Variants in PRAG1 observed in about 807,000 individuals in gnomAD.
The protein encoded by PRAG1 is PEAK1 related, kinase-activating pseudokinase 1.
In PRAG1, 110 loss-of-function variants were observed where a neutral mutation model predicts 95.6. The ratio of observed to expected loss-of-function variants is 1.15; its 90% CI spans 0.99 to 1.35. The LOEUF is 1.35. PRAG1 is among the 40% of genes most tolerant of loss of function. The pLI, the probability that PRAG1 is intolerant of heterozygous loss-of-function variation, is 0.00. For synonymous variants in PRAG1, 1,052 were observed against 819.4 expected, an observed-to-expected ratio of 1.28 and a Z score of -4.85; for missense variants, 2,554 against 1,864.7, an observed-to-expected ratio of 1.37 and a Z score of -6.81.
chr8:8,371,245 A>C (rs1800189744), intron 3 of PRAG1, among the ~76,000 whole-genome samples: 1 of 151,870 alleles, frequency 6.6e-6, no homozygotes, highest in South Asian at 2.1e-4. Context: ...GTTAAAATTG[A>C]AATTCAATTG....
chr8:8,366,256 T>A (rs529048164), intron 3 of PRAG1, among the ~76,000 whole-genome samples: 24 of 151,902 alleles, frequency 1.6e-4, no homozygotes, highest in Admixed American at 3.9e-4. Context: ...ATGGCCGTCA[T>A]CTGCCAAACA....
chr8:8,348,147 G>C (rs947669531), intron 3 of PRAG1, among the ~76,000 whole-genome samples: 1 of 152,186 alleles, frequency 6.6e-6, no homozygotes, highest in Admixed American at 6.5e-5. Flanking sequence ...GAACTCCTGA[G>C]CTGAAGTAAT....
intron 3 of PRAG1, chr8:8,374,697 AAG>A: frequency 4.1e-6 from 4 of 985,414 alleles, no homozygotes; most frequent in Non-Finnish European, 4.8e-6. Context: ...GCGGCTGCCA[AAG>A]AGTCTGCAAT....
intron 2 of PRAG1, among the ~76,000 whole-genome samples, chr8:8,378,460 G>C (rs921343912): frequency 5.9e-5 from 9 of 152,230 alleles, no homozygotes; most frequent in African/African-American, 1.4e-4. Context: ...GGAAAATGGA[G>C]CTTGGGGTTT....
chr8:8,333,451 A>G lies in PRAG1; in HGVS notation c.2321-4990T>C, dbSNP rs540921890. ...ATGGGATCTTAAAAAGACCAAGGGA[A>G]GGTGCACTAGTTTGGTGTCATTATA... On this transcript the variant is annotated intron_variant, in intron 4 of 5. Coordinates refer to ENST00000615670, the MANE Select transcript of PRAG1 (RefSeq NM_001080826.3). 8.1e-4 allele frequency among the ~76,000 whole-genome samples: 124 copies of G among 152,280 alleles called. 2 individuals carry two copies. Among genetic ancestry groups the G allele is most frequent in the African/African-American group, 2.8e-3 (117 of 41,570 alleles).
chr8:8,372,496 C>A (rs754204401), intron 3 of PRAG1, among the ~76,000 whole-genome samples: 1 of 152,154 alleles, frequency 6.6e-6, no homozygotes, highest in Non-Finnish European at 1.5e-5. Context: ...GTAAGTGTGA[C>A]TTTGTGGGTA....
At chr8:8,383,458 G>A (rs1359996657) in intron 1 of PRAG1, among the ~76,000 whole-genome samples, 1 of 152,084 alleles carries the variant, frequency 6.6e-6, no homozygotes, top group Non-Finnish European at 1.5e-5. Context: ...ATGCATGCCT[G>A]TGGTCCCAGC....
Position 8,377,779 on chromosome 8 carries a change from T to C in PRAG1, c.630A>G (p.Lys210=), listed in dbSNP as rs778884698. ...ATGTGGTCCCAGCAAAGGCAGCCAG[T>C]TTCTGGCGGAAGCTCTCCTGGGTGG... ...RPSTQESFRQ[K]LAAFAGTTSG... Residue 210 remains lysine (K), a synonymous_variant, in exon 3 of 6, where the codon AAA becomes AAG. Coordinates refer to ENST00000615670, the MANE Select transcript of PRAG1 (RefSeq NM_001080826.3). 49 of 1,613,998 alleles carry C rather than the reference T, an allele frequency of 3.0e-5. No individual in the cohort carries two copies. The highest frequency in any genetic ancestry group is 5.3e-5 in the African/African-American group (4 of 74,916).
chr8:8,365,279 C>G (rs1331973733), intron 3 of PRAG1, among the ~76,000 whole-genome samples: 1 of 152,160 alleles, frequency 6.6e-6, no homozygotes, highest in African/African-American at 2.4e-5. Context: ...CCCAAAGATT[C>G]TGACACAGCT....
chr8:8,339,405 C>A, intron 4 of PRAG1, 73 bp downstream of exon 4: 1 of 1,513,696 alleles, frequency 6.6e-7, no homozygotes, highest in African/African-American at 1.4e-5. Flanking sequence ...CCTTCCAATC[C>A]CGCAAGCAAC....
chr8:8,333,601 C>G (rs1053683995), intron 4 of PRAG1, among the ~76,000 whole-genome samples: 5 of 152,200 alleles, frequency 3.3e-5, no homozygotes, highest in Non-Finnish European at 7.3e-5. Flanking sequence ...ATAGAGTCCT[C>G]TCTTCTTGCT....
At chr8:8,378,515 T>C (rs556746194) in intron 2 of PRAG1, among the ~76,000 whole-genome samples, 13 of 152,278 alleles carry the variant, frequency 8.5e-5, no homozygotes, top group African/African-American at 2.9e-4. Flanking sequence ...GATAACCCAA[T>C]CACAGTGCAT....
chr8:8,335,392 C>T (rs956013423), intron 4 of PRAG1, among the ~76,000 whole-genome samples: 1 of 151,990 alleles, frequency 6.6e-6, no homozygotes, highest in Non-Finnish European at 1.5e-5. Flanking sequence ...AGATAAAGTG[C>T]AAAAATCTGT....
chr8:8,366,725 A>G (rs1026376052), intron 3 of PRAG1, among the ~76,000 whole-genome samples: 1 of 151,784 alleles, frequency 6.6e-6, no homozygotes, highest in Non-Finnish European at 1.5e-5. Flanking sequence ...GTCACCCAGG[A>G]TGGAGTGCAG....
At chr8:8,324,536 G>A (rs1798573782) in intron 5 of PRAG1, among the ~76,000 whole-genome samples, 1 of 149,044 alleles carries the variant, frequency 6.7e-6, no homozygotes. Context: ...GGCGGTGGGG[G>A]AGGGAGTGGC....
Position 8,377,671 on chromosome 8 carries a change from C to G in PRAG1, c.738G>C (p.Gly246=), listed in dbSNP as rs1234926526. The G allele has an allele frequency of 4.3e-6, 7 of 1,613,738 alleles. No homozygotes were observed. In the Admixed American group the frequency reaches 1.2e-4, roughly 27 times the overall value. Reference sequence around the variant, plus strand: ...AGCAGTACTCTCCACCCTCGCTGTCCCCGGAGGGCGAGCACCTTTGATCAC... The same window carrying G: ...AGCAGTACTCTCCACCCTCGCTGTCGCCGGAGGGCGAGCACCTTTGATCAC... ...DDSDQRCSPS[G]DSEGGEYCSI... The change falls in exon 3 of 6, where the codon GGG becomes GGC. Residue 246 remains glycine (G), a synonymous_variant. Transcript: ENST00000615670.
At chr8:8,350,239 G>T (rs867348451) in intron 3 of PRAG1, among the ~76,000 whole-genome samples, 5 of 152,282 alleles carry the variant, frequency 3.3e-5, no homozygotes, top group Middle Eastern at 6.8e-3. Flanking sequence ...GATGTTTGGG[G>T]GTATCCAGGT....
intron 5 of PRAG1, among the ~76,000 whole-genome samples, chr8:8,326,002 C>A (rs1481260589): frequency 6.6e-6 from 1 of 150,766 alleles, no homozygotes; most frequent in African/African-American, 2.4e-5. Flanking sequence ...ACTTTCTATA[C>A]CATGGACAAG....
intron 4 of PRAG1, among the ~76,000 whole-genome samples, chr8:8,337,264 G>T (rs1024132721): frequency 2.6e-5 from 4 of 152,192 alleles, no homozygotes; most frequent in African/African-American, 7.2e-5. Context: ...ATGCCAAACA[G>T]TAACTAAAGT....
Sources: allele counts gnomAD v4.1 joint callset (sites outside exome capture counted in the v4.1 genomes callset), GRCh38; gene constraint gnomAD v4.1.1; transcripts MANE v1.5; gene names NCBI Gene and HGNC (gene_info 2026-07-23, HGNC 2026-07-21).